Variants in RRP12 observed in about 807,000 individuals in gnomAD.
RRP12 encodes the protein ribosomal RNA processing 12 homolog.
RRP12 carries 78 observed loss-of-function variants against 157.3 expected under a neutral mutation model. The ratio of observed to expected loss-of-function variants is 0.50; its 90% CI spans 0.41 to 0.60. RRP12 has a LOEUF of 0.60. Among genes scored for constraint, RRP12 ranks in the 20% least tolerant of loss-of-function variants. The probability of loss-of-function intolerance (pLI) is 0.00; values close to 1 mark genes in which losing one functional copy is unlikely to be tolerated. For synonymous variants in RRP12, 726 were observed against 670.9 expected (o/e 1.08, Z -1.27); for missense variants, 1,521 against 1,679.9 (o/e 0.91, Z 1.65).
rs778731839 is a variant in RRP12, at chr10:97,388,628, AG to A, written c.754-5del. The stretch of plus-strand genomic sequence containing the variant: ...CATGCTGGGCAGCCTTCCGGATCTG[AG>A]GGGCAAGGAGAGCAGGAGACAAGGC... On this transcript the variant is annotated splice_region_variant and splice_polypyrimidine_tract_variant and intron_variant, in intron 6 of 33. Transcript: ENST00000370992. The A allele has an allele frequency of 9.9e-6, 16 of 1,613,500 alleles. No individual in the cohort carries two copies. The highest frequency in any genetic ancestry group is 1.7e-4 in the Middle Eastern group (1 of 6,044).
chr10:97,370,401 T>G, intron 23 of RRP12, 54 bp downstream of exon 23: 1 of 1,409,988 alleles, frequency 7.1e-7, no homozygotes. Flanking sequence ...GAGGGGTGCT[T>G]CCCCCCACCC....
intron 4 of RRP12, among the ~76,000 whole-genome samples, chr10:97,392,092 T>C (rs2133091523): frequency 6.7e-6 from 1 of 149,980 alleles, no homozygotes; most frequent in African/African-American, 2.4e-5. Context: ...AACCTCTACC[T>C]CCCAAGTAGT....
chr10:97,395,534 G>A (rs1235535311), intron 3 of RRP12, among the ~76,000 whole-genome samples: 11 of 148,094 alleles, frequency 7.4e-5, no homozygotes, highest in East Asian at 2.0e-4. Context: ...CTTGGGCAAC[G>A]GAGTGAGACT....
At chr10:97,377,466 T>A (rs988733536) in intron 15 of RRP12, among the ~76,000 whole-genome samples, 6 of 152,022 alleles carry the variant, frequency 3.9e-5, no homozygotes, top group African/African-American at 1.4e-4. Flanking sequence ...GAGGCAGAGG[T>A]TGCAGTGAAC....
chr10:97,370,466 G>C lies in RRP12; in HGVS notation c.2678C>G (p.Ser893Trp), dbSNP rs781271284. The change falls in exon 23 of 34, where the codon TCG becomes TGG. Residue 893 changes from serine to tryptophan, a missense_variant. By Grantham distance (177) the Ser-to-Trp change is radical. Coordinates refer to ENST00000370992, the MANE Select transcript of RRP12 (RefSeq NM_015179.4). ...CCCCTGGGCCTCACCTTCCTGGTTC[G>C]AGCCAAACCTTAGGAAAGCATGGCC... is the stretch of plus-strand genomic sequence containing the variant. ...EMGHAFLRFG[S>W]NQEEALQCYL... 1 of 1,601,728 alleles carries C rather than the reference G, an allele frequency of 6.2e-7. No individual in the cohort carries two copies. Among genetic ancestry groups the C allele is most frequent in the Non-Finnish European group, 8.5e-7 (1 of 1,174,662 alleles).
chr10:97,357,996 T>C (rs575339560), intron 33 of RRP12, among the ~76,000 whole-genome samples: 3 of 149,254 alleles, frequency 2.0e-5, no homozygotes, highest in Non-Finnish European at 4.4e-5. Flanking sequence ...ATGTAGAGTA[T>C]GTAAATACCA....
At chr10:97,370,404 CCCCA>C (rs149757559) in intron 23 of RRP12, 47 bp downstream of exon 23, 192,843 of 1,430,644 alleles carry the variant, frequency 0.13, 14,711 homozygotes, top group Non-Finnish European at 0.16. Flanking sequence ...GGGTGCTTCC[CCCCA>C]CCCAGTCTAT....
At chr10:97,398,384 C>T (rs1383914633) in intron 2 of RRP12, among the ~76,000 whole-genome samples, 1 of 131,980 alleles carries the variant, frequency 7.6e-6, no homozygotes, top group Admixed American at 8.1e-5. Flanking sequence ...GACAGAGTCT[C>T]GTTCTGTCAC....
chr10:97,396,863 C>T (rs375256000), intron 2 of RRP12, among the ~76,000 whole-genome samples: 3 of 152,276 alleles, frequency 2.0e-5, no homozygotes, highest in African/African-American at 7.2e-5. Flanking sequence ...CCTCTGGGTT[C>T]AAGCAATTCT....
rs373503666 is a variant in RRP12, at chr10:97,373,160, A to G, written c.2067T>C (p.Phe689=). 6.2e-7 allele frequency: 1 copy of G among 1,614,182 alleles called. No homozygotes were observed. The highest frequency in any genetic ancestry group is 8.5e-7 in the Non-Finnish European group (1 of 1,180,028). The change falls in exon 18 of 34, where the codon TTT becomes TTC. Residue 689 remains phenylalanine (F), a synonymous_variant. Coordinates refer to ENST00000370992, the MANE Select transcript of RRP12 (RefSeq NM_015179.4). ...CATACAGGTTGAAGAGGATCGGCAGAAAGTTCTTGGCAAAGCGACTCACTT... is the reference window on the plus strand; with the variant it reads ...CATACAGGTTGAAGAGGATCGGCAGGAAGTTCTTGGCAAAGCGACTCACTT... ...RAEVSRFAKN[F]LPILFNLYGQ...
chr10:97,388,176 T>C (rs1224122406), intron 8 of RRP12, 76 bp downstream of exon 8: 4 of 1,595,914 alleles, frequency 2.5e-6, no homozygotes, highest in Non-Finnish European at 3.4e-6. Context: ...AGGCCCTGCA[T>C]TTTGACTGAC....
At chr10:97,369,260 G>A (rs1000327604) in intron 25 of RRP12, among the ~76,000 whole-genome samples, 165 bp downstream of exon 25, 1 of 152,180 alleles carries the variant, frequency 6.6e-6, no homozygotes, top group African/African-American at 2.4e-5. Context: ...CCCCCTCCTC[G>A]CCTCCACCTG....
In RRP12 at chr10:97,366,093, G is replaced by A. The variant is rs748145658; in HGVS notation, c.3517+15C>T. On this transcript the variant is annotated intron_variant, in intron 29 of 33. Coordinates refer to ENST00000370992, the MANE Select transcript of RRP12 (RefSeq NM_015179.4). Reference sequence around the variant, plus strand: ...GTGAACACGGTGAATGAATGGACAAGCGCGTTGGGCCCACCTTTGGCACCT... The same window carrying A: ...GTGAACACGGTGAATGAATGGACAAACGCGTTGGGCCCACCTTTGGCACCT... 1.2e-6 allele frequency: 2 copies of A among 1,601,066 alleles called. No individual in the cohort carries two copies. Among genetic ancestry groups the A allele is most frequent in the Non-Finnish European group, 1.7e-6 (2 of 1,179,864 alleles).
chr10:97,374,352 G>C (rs992804156), intron 15 of RRP12, among the ~76,000 whole-genome samples: 1 of 152,078 alleles, frequency 6.6e-6, no homozygotes, highest in African/African-American at 2.4e-5. Context: ...TGTAGACGTA[G>C]GGTTTCACCA....
chr10:97,361,830 C>T (rs1472794768), intron 30 of RRP12, among the ~76,000 whole-genome samples: 1 of 152,148 alleles, frequency 6.6e-6, no homozygotes, highest in Non-Finnish European at 1.5e-5. Context: ...AGAACTTGGC[C>T]GGGCCCGGTG....
At chr10:97,363,336 A>C (rs1018556515) in intron 30 of RRP12, among the ~76,000 whole-genome samples, 2 of 152,228 alleles carry the variant, frequency 1.3e-5, no homozygotes, top group Non-Finnish European at 2.9e-5. Flanking sequence ...CCAGGTCAAC[A>C]GGGGTAATGG....
At chr10:97,398,924 T>G (rs894032966) in intron 2 of RRP12, among the ~76,000 whole-genome samples, 2 of 152,186 alleles carry the variant, frequency 1.3e-5, no homozygotes, top group African/African-American at 2.4e-5. Context: ...AATATACTGA[T>G]TATACATTGA....
At position 97,372,180 on chromosome 10, in the gene RRP12, G is replaced by C; in HGVS notation, c.2250-14C>G. 6 of 1,607,822 alleles carry C rather than the reference G, an allele frequency of 3.7e-6. No individual in the cohort carries two copies. The highest frequency in any genetic ancestry group is 5.1e-6 in the Non-Finnish European group (6 of 1,175,422). ...AGGACAGACAATCTGCTCGGGGCAGGAGGACAAGGAGAGGGATGGGGAGCT... is the reference window on the plus strand; with the variant it reads ...AGGACAGACAATCTGCTCGGGGCAGCAGGACAAGGAGAGGGATGGGGAGCT... On this transcript the variant is annotated splice_polypyrimidine_tract_variant and intron_variant, in intron 19 of 33. Transcript: ENST00000370992.
At chr10:97,358,874 GCTC>G in intron 32 of RRP12, 66 bp downstream of exon 32, 1 of 1,300,226 alleles carries the variant, frequency 7.7e-7, no homozygotes, top group Non-Finnish European at 1.1e-6. Context: ...GATGGGCACA[GCTC>G]CTCCTTGCCC....
Sources: allele counts gnomAD v4.1 joint callset (sites outside exome capture counted in the v4.1 genomes callset), GRCh38; gene constraint gnomAD v4.1.1; transcripts MANE v1.5; gene names NCBI Gene and HGNC (gene_info 2026-07-23, HGNC 2026-07-21).